Variants in ACOXL observed in about 807,000 individuals in gnomAD.
ACOXL encodes acyl-coenzyme A oxidase-like protein.
In ACOXL, 70 loss-of-function variants were observed where a neutral mutation model predicts 71.9. The observed-to-expected ratio is 0.97, with a 90% CI of 0.80 to 1.19. ACOXL has a LOEUF of 1.19. Ranked by LOEUF, ACOXL falls within the 50% of genes most tolerant of loss-of-function variation. The probability of loss-of-function intolerance (pLI) is 0.00; values close to 1 mark genes in which losing one functional copy is unlikely to be tolerated. For synonymous variants in ACOXL, 253 were observed against 281.6 expected, an observed-to-expected ratio of 0.90 and a Z score of 1.02; for missense variants, 703 against 736.3, an observed-to-expected ratio of 0.95 and a Z score of 0.52.
At chr2:110,941,248 G>C (rs967479554) in intron 12 of ACOXL, among the ~76,000 whole-genome samples, 2 of 152,208 alleles carry the variant, frequency 1.3e-5, no homozygotes, top group Admixed American at 1.3e-4. Flanking sequence ...ACTGTACACT[G>C]TGCATGGAAT....
At chr2:110,765,479 A>G (rs1047925148) in intron 1 of ACOXL, among the ~76,000 whole-genome samples, 4 of 152,064 alleles carry the variant, frequency 2.6e-5, no homozygotes, top group Non-Finnish European at 5.9e-5. Flanking sequence ...TTTTCAGTCT[A>G]TATTTTCTTT....
chr2:111,104,883 T>C (rs2069428817), intron 17 of ACOXL, among the ~76,000 whole-genome samples: 1 of 152,198 alleles, frequency 6.6e-6, no homozygotes, highest in African/African-American at 2.4e-5. Context: ...TACTGTCAAG[T>C]CTAAAAACTT....
chr2:111,059,040 G>C (rs1310628158), intron 16 of ACOXL, among the ~76,000 whole-genome samples: 1 of 152,178 alleles, frequency 6.6e-6, no homozygotes. Context: ...AGGAGTTCAA[G>C]ACCAGCCTGG....
intron 1 of ACOXL, among the ~76,000 whole-genome samples, chr2:110,751,525 T>C (rs1225024491): frequency 6.6e-6 from 1 of 152,130 alleles, no homozygotes; most frequent in Non-Finnish European, 1.5e-5. Context: ...CCTAAATAAC[T>C]CAGTGTGCAT....
intron 15 of ACOXL, among the ~76,000 whole-genome samples, chr2:111,032,241 T>C (rs1417922574): frequency 6.6e-6 from 1 of 151,852 alleles, no homozygotes; most frequent in Non-Finnish European, 1.5e-5. Context: ...TGTTTGGCAA[T>C]GTTTAGAGAC....
chr2:110,972,852 G>A (rs185965970), intron 12 of ACOXL, among the ~76,000 whole-genome samples: 6 of 152,344 alleles, frequency 3.9e-5, no homozygotes, highest in East Asian at 1.9e-4. Context: ...CAGAGACTCC[G>A]TGTCCATGGT....
intron 13 of ACOXL, 30 bp downstream of exon 13, chr2:110,987,247 C>T (rs369215278): frequency 6.0e-4 from 928 of 1,540,868 alleles, no homozygotes; most frequent in Admixed American, 9.2e-4. Flanking sequence ...TCATCATCTG[C>T]CTTCAGTGGG....
In ACOXL at chr2:110,885,485, A is replaced by T. The variant is rs1250162960; in HGVS notation, c.789-23304A>T. 6.6e-5 allele frequency among the ~76,000 whole-genome samples: 10 copies of T among 151,620 alleles called. No homozygotes were observed. The East Asian group carries it at 1.2e-3, about 18-fold the overall frequency. On this transcript the variant is annotated intron_variant, in intron 10 of 17. Coordinates refer to ENST00000439055, the MANE Select transcript of ACOXL (RefSeq NM_001142807.4). ...TTAAATTGTCAGCATTATTATTATTATTATTTTTTTACAATTTGTTATGCT... is the reference window on the plus strand; with the variant it reads ...TTAAATTGTCAGCATTATTATTATTTTTATTTTTTTACAATTTGTTATGCT...
chr2:110,843,243 C>A (rs1194319579), intron 10 of ACOXL, among the ~76,000 whole-genome samples: 1 of 152,184 alleles, frequency 6.6e-6, no homozygotes, highest in Non-Finnish European at 1.5e-5. Flanking sequence ...TGGTTTTGAA[C>A]TCCTAGACTC....
chr2:110,920,108 G>T (rs2060010181), intron 11 of ACOXL, among the ~76,000 whole-genome samples: 1 of 152,160 alleles, frequency 6.6e-6, no homozygotes, highest in South Asian at 2.1e-4. Flanking sequence ...AGGTCAAGTG[G>T]TAAGTGTATG....
intron 1 of ACOXL, among the ~76,000 whole-genome samples, chr2:110,735,344 C>T (rs1379170493): frequency 6.6e-6 from 1 of 152,216 alleles, no homozygotes; most frequent in African/African-American, 2.4e-5. Flanking sequence ...TCTCCTGTGG[C>T]TTGTCCCCAC....
intron 17 of ACOXL, among the ~76,000 whole-genome samples, chr2:111,105,298 C>T (rs1241913620): frequency 6.6e-6 from 1 of 152,094 alleles, no homozygotes; most frequent in Non-Finnish European, 1.5e-5. Flanking sequence ...TACAAAATCA[C>T]TTTAGCTATT....
At chr2:110,935,550 C>T (rs890656004) in intron 12 of ACOXL, among the ~76,000 whole-genome samples, 115 of 152,270 alleles carry the variant, frequency 7.6e-4, no homozygotes, top group Admixed American at 7.8e-4. Flanking sequence ...CCCAGCAGTG[C>T]GGAAATAACC....
intron 10 of ACOXL, among the ~76,000 whole-genome samples, chr2:110,859,398 G>T (rs1207364155): frequency 6.6e-6 from 1 of 152,172 alleles, no homozygotes; most frequent in Non-Finnish European, 1.5e-5. Context: ...TATTTGACAT[G>T]CACAGCTGGG....
At chr2:111,107,446 A>G (rs1425599787) in intron 17 of ACOXL, among the ~76,000 whole-genome samples, 3 of 152,046 alleles carry the variant, frequency 2.0e-5, no homozygotes, top group Non-Finnish European at 2.9e-5. Context: ...GACTTTAACT[A>G]TAGTTTTTTT....
At chr2:111,092,773 A>G (rs1248668463) in intron 16 of ACOXL, 92 bp from the exon 17 acceptor site, 1 of 874,712 alleles carries the variant, frequency 1.1e-6, no homozygotes, top group African/African-American at 1.7e-5. Context: ...ATGAAATGTA[A>G]TATTATGTTA....
chr2:110,964,898 T>C (rs919405234), intron 12 of ACOXL, among the ~76,000 whole-genome samples: 7 of 152,250 alleles, frequency 4.6e-5, no homozygotes, highest in Non-Finnish European at 1.0e-4. Flanking sequence ...TCTACTCTGC[T>C]ATCGAACATT....
intron 5 of ACOXL, among the ~76,000 whole-genome samples, chr2:110,795,208 G>A (rs1258728954): frequency 1.3e-5 from 2 of 152,136 alleles, no homozygotes; most frequent in Admixed American, 6.5e-5. Context: ...TTTTGTTAGC[G>A]GGGTTTCCTG....
chr2:111,005,006 T>C (rs1336612216), intron 14 of ACOXL, among the ~76,000 whole-genome samples: 1 of 152,218 alleles, frequency 6.6e-6, no homozygotes, highest in Non-Finnish European at 1.5e-5. Flanking sequence ...AGATTCTCAG[T>C]AATCAATCTG....
Sources: gnomAD v4.1 joint callset for allele counts (sites outside exome capture counted in the v4.1 genomes callset) on GRCh38, gnomAD v4.1.1 for gene constraint, MANE v1.5 for transcripts, NCBI Gene and HGNC (gene_info 2026-07-23, HGNC 2026-07-21) for gene names.